The following ARHGEF26 variants were observed in gnomAD, a reference collection of about 807,000 sequenced individuals.
ARHGEF26 encodes the protein Rho guanine nucleotide exchange factor (GEF) 26.
Under a neutral mutation model 89.4 loss-of-function variants are expected in ARHGEF26, and 59 were observed. That is an observed-to-expected ratio of 0.66 (90% confidence interval 0.54 to 0.82). The LOEUF (loss-of-function observed/expected upper bound fraction) is 0.82. Among genes scored for constraint, ARHGEF26 ranks in the 40% least tolerant of loss-of-function variants. The pLI is 0.00. For synonymous variants in ARHGEF26, 500 were observed against 428.4 expected (o/e 1.17, Z -2.06); for missense variants, 1,234 against 1,085.6 (o/e 1.14, Z -1.92).
chr3:154,222,485 T>A (rs1716194751), intron 10 of ARHGEF26, among the ~76,000 whole-genome samples: 1 of 152,238 alleles, frequency 6.6e-6, no homozygotes, highest in South Asian at 2.1e-4. Context: ...CCTTTTCATG[T>A]CTTGGTTTTC....
intron 13 of ARHGEF26, among the ~76,000 whole-genome samples, chr3:154,254,239 C>G (rs1718338454): frequency 6.6e-6 from 1 of 152,202 alleles, no homozygotes; most frequent in Non-Finnish European, 1.5e-5. Flanking sequence ...CTGAGGAGGT[C>G]TAACATGACT....
At chr3:154,203,944 T>C (rs11505009) in intron 9 of ARHGEF26, among the ~76,000 whole-genome samples, 28,471 of 152,022 alleles carry the variant, frequency 0.19, 2,957 homozygotes, top group South Asian at 0.34. Context: ...ATCATAGATA[T>C]TGTCCTGTAG....
At chr3:154,241,070 A>G (rs1717457592) in intron 12 of ARHGEF26, among the ~76,000 whole-genome samples, 1 of 152,144 alleles carries the variant, frequency 6.6e-6, no homozygotes, top group Admixed American at 6.5e-5. Context: ...TCCTCTTTCT[A>G]ATCCAGAGTT....
chr3:154,186,763 G>GAAGA (rs778655122), intron 6 of ARHGEF26, among the ~76,000 whole-genome samples: 15 of 150,470 alleles, frequency 1.0e-4, no homozygotes, highest in African/African-American at 3.2e-4. Context: ...CCCTTTCTCA[G>GAAGA]AAGAAAGAAA....
intron 9 of ARHGEF26, among the ~76,000 whole-genome samples, chr3:154,214,379 C>T (rs925655119): frequency 2.6e-5 from 4 of 152,130 alleles, no homozygotes; most frequent in African/African-American, 9.7e-5. Flanking sequence ...AGCCTGAGTT[C>T]AGTGGCCAGG....
At chr3:154,254,325 G>T (rs1471218151) in intron 13 of ARHGEF26, among the ~76,000 whole-genome samples, 4 of 152,174 alleles carry the variant, frequency 2.6e-5, no homozygotes, top group Non-Finnish European at 5.9e-5. Context: ...GTTGGGATGG[G>T]GAGACACTCT....
chr3:154,189,833 GT>G lies in ARHGEF26; in HGVS notation c.1641-1444del, dbSNP rs11456094. On this transcript the variant is annotated intron_variant, in intron 7 of 14. Coordinates refer to ENST00000465093, the MANE Select transcript of ARHGEF26 (RefSeq NM_015595.4). ...ATATACAACTAATTTAGAGGTTTTT[GT>G]TTTTTTTTTTTAACTTTCTAAAAAT... is the stretch of plus-strand genomic sequence containing the variant. 1.7e-3 allele frequency among the ~76,000 whole-genome samples: 248 copies of G among 144,116 alleles called. 2 individuals are homozygous for G. The highest frequency in any genetic ancestry group is 4.1e-3 in the African/African-American group (164 of 39,562). The allele number at this position is 144,116 out of a possible 152,430, so 94.5% of individuals were successfully genotyped here.
Position 154,257,338 on chromosome 3 carries a change from T to G in ARHGEF26, c.*1865T>G, listed in dbSNP as rs1175323435. 1 of 158,064 alleles carries G rather than the reference T, an allele frequency of 6.3e-6. No homozygotes were observed. The highest frequency in any genetic ancestry group is 1.4e-5 in the Non-Finnish European group (1 of 72,150). The allele number at this position is 158,064 out of a possible 1,614,324, so 9.8% of individuals were successfully genotyped here. ...TGTGTTGGGGTTTGCAAAACAAGCA[T>G]TCCGTCACCTCTTTAATAATGTCAC... On this transcript the variant is annotated 3_prime_UTR_variant, in exon 15 of 15. Transcript: ENST00000465093.
intron 6 of ARHGEF26, among the ~76,000 whole-genome samples, chr3:154,162,153 T>C (rs923102586): frequency 6.6e-6 from 1 of 152,152 alleles, no homozygotes; most frequent in Non-Finnish European, 1.5e-5. Flanking sequence ...CTGCATTGCA[T>C]TTATAGCTGT....
At chr3:154,157,597 C>G (rs540524066) in intron 6 of ARHGEF26, among the ~76,000 whole-genome samples, 1 of 152,170 alleles carries the variant, frequency 6.6e-6, no homozygotes, top group African/African-American at 2.4e-5. Flanking sequence ...TGAAGTAACA[C>G]AGCTAGCTAG....
chr3:154,161,819 A>G (rs1711680050), intron 6 of ARHGEF26, among the ~76,000 whole-genome samples: 1 of 152,152 alleles, frequency 6.6e-6, no homozygotes, highest in Non-Finnish European at 1.5e-5. Context: ...TTTTCCAACC[A>G]GCCTGGTGTT....
chr3:154,176,974 A>G (rs958040191), intron 6 of ARHGEF26, among the ~76,000 whole-genome samples: 9 of 152,120 alleles, frequency 5.9e-5, no homozygotes, highest in Non-Finnish European at 2.9e-5. Flanking sequence ...GATTGATGCA[A>G]GAATAAAAGG....
In ARHGEF26 at chr3:154,191,523, C is replaced by G. The variant is rs1713959100; in HGVS notation, c.1770+105C>G. ...CTTAAATTGATGCATATTTAAAGGT[C>G]TAAAAATCCCCCAATTAAGTGAGAA... On this transcript the variant is annotated intron_variant, in intron 8 of 14. Coordinates refer to ENST00000465093, the MANE Select transcript of ARHGEF26 (RefSeq NM_015595.4). 3 of 1,336,748 alleles carry G rather than the reference C, an allele frequency of 2.2e-6. No homozygotes were observed. The Admixed American group carries it at 7.9e-5, about 35-fold the overall frequency. 82.8% of individuals were successfully genotyped at this position (1,336,748 alleles called of 1,614,324 possible). A position where few individuals can be genotyped will look rare whatever the true frequency, so the allele number is the denominator to read the frequency against.
At chr3:154,136,270 G>A (rs2313176) in intron 4 of ARHGEF26, among the ~76,000 whole-genome samples, 107,341 of 133,430 alleles carry the variant, frequency 0.8, 41,195 homozygotes, top group Non-Finnish European at 0.87. Flanking sequence ...TTTAATTAAA[G>A]TATTTTAAGT....
chr3:154,194,768 G>C (rs1286287672), intron 9 of ARHGEF26, 50 bp downstream of exon 9: 1 of 1,485,942 alleles, frequency 6.7e-7, no homozygotes, highest in South Asian at 1.2e-5. Flanking sequence ...CATTCAGTTA[G>C]CTCAGACACA....
Position 154,256,384 on chromosome 3 carries a change from A to G in ARHGEF26, c.*911A>G, listed in dbSNP as rs1718505083. The G allele has an allele frequency of 6.6e-6, 5 of 760,772 alleles. No homozygotes were observed. In the South Asian group the frequency reaches 2.4e-4, roughly 37 times the overall value. 47.1% of individuals were successfully genotyped at this position (760,772 alleles called of 1,614,324 possible). A position where few individuals can be genotyped will look rare whatever the true frequency, so the allele number is the denominator to read the frequency against. ...ATTGTAAGAGTATGCCACCACGCCC[A>G]GCTACTTTTTGTATTTTTAGTAGAG... On this transcript the variant is annotated 3_prime_UTR_variant, in exon 15 of 15. Coordinates refer to ENST00000465093, the MANE Select transcript of ARHGEF26 (RefSeq NM_015595.4).
At chr3:154,247,395 TCATCTTTCCC>T (rs1717864408) in intron 12 of ARHGEF26, among the ~76,000 whole-genome samples, 1 of 152,190 alleles carries the variant, frequency 6.6e-6, no homozygotes, top group African/African-American at 2.4e-5. Context: ...AAAGTCTATT[TCATCTTTCCC>T]CATCTTTCCA....
intron 6 of ARHGEF26, among the ~76,000 whole-genome samples, chr3:154,184,604 C>A (rs76552287): frequency 6.6e-6 from 1 of 152,144 alleles, no homozygotes; most frequent in Non-Finnish European, 1.5e-5. Context: ...CCATCTAATG[C>A]GTTTCTTGAG....
intron 9 of ARHGEF26, among the ~76,000 whole-genome samples, chr3:154,202,002 A>G (rs1714673505): frequency 6.6e-6 from 1 of 152,038 alleles, no homozygotes; most frequent in African/African-American, 2.4e-5. Flanking sequence ...GAAGCTCTTT[A>G]GTTTAATTAG....
Sources: gnomAD v4.1 joint callset for allele counts (sites outside exome capture counted in the v4.1 genomes callset) on GRCh38, gnomAD v4.1.1 for gene constraint, MANE v1.5 for transcripts, NCBI Gene and HGNC (gene_info 2026-07-23, HGNC 2026-07-21) for gene names.